The following ASCC1 variants were observed in gnomAD, a reference collection of about 807,000 sequenced individuals.
ASCC1 encodes the protein activating signal cointegrator 1 complex subunit 1.
Under a neutral mutation model 46.6 loss-of-function variants are expected in ASCC1, and 35 were observed. That is an observed-to-expected ratio of 0.75 (90% CI 0.57 to 0.99). The LOEUF is 0.99. ASCC1 is among the 50% of genes least tolerant of loss of function. The pLI is 0.00. For synonymous variants in ASCC1, 143 were observed against 146.6 expected (o/e 0.98, Z 0.18); for missense variants, 376 against 428.7 (o/e 0.88, Z 1.09).
intron 9 of ASCC1, among the ~76,000 whole-genome samples, chr10:72,116,206 G>A (rs1843476725): frequency 6.6e-6 from 1 of 152,152 alleles, no homozygotes; most frequent in South Asian, 2.1e-4. Context: ...ATAGTAAAAG[G>A]AATCCTGAAT....
intron 5 of ASCC1, among the ~76,000 whole-genome samples, chr10:72,194,847 A>T (rs1295923252): frequency 6.6e-6 from 1 of 151,956 alleles, no homozygotes; most frequent in South Asian, 2.1e-4. Context: ...GGTTCAAGCG[A>T]TTCTCCTGCC....
At chr10:72,196,708 G>T in intron 5 of ASCC1, 103 bp downstream of exon 5, 1 of 1,169,204 alleles carries the variant, frequency 8.6e-7, no homozygotes, top group Non-Finnish European at 1.2e-6. Context: ...TTTTTTGGTG[G>T]GGGAAGAAGT....
chr10:72,188,454 C>T (rs1853848242), intron 5 of ASCC1, among the ~76,000 whole-genome samples: 1 of 151,940 alleles, frequency 6.6e-6, no homozygotes, highest in South Asian at 2.1e-4. Context: ...ATATCCATCT[C>T]TCACTGTATT....
At chr10:72,210,588 T>C (rs575134172) in intron 3 of ASCC1, 144 bp downstream of exon 3, 1 of 702,358 alleles carries the variant, frequency 1.4e-6, no homozygotes, top group Admixed American at 2.1e-5. Flanking sequence ...CTGTAATCAG[T>C]CCTTTGACAT....
At chr10:72,107,981 T>C (rs191197450) in intron 9 of ASCC1, among the ~76,000 whole-genome samples, 1 of 152,280 alleles carries the variant, frequency 6.6e-6, no homozygotes, top group East Asian at 1.9e-4. Flanking sequence ...TCATTTTGAT[T>C]AAACTTCCCT....
At chr10:72,144,020 C>T (rs1297450116) in intron 7 of ASCC1, among the ~76,000 whole-genome samples, 1 of 150,912 alleles carries the variant, frequency 6.6e-6, no homozygotes, top group Non-Finnish European at 1.5e-5. Context: ...TTTTAACAGT[C>T]TCACTCTGTT....
In ASCC1 at chr10:72,189,167, G is replaced by A. The variant is rs528107661; in HGVS notation, c.489+7644C>T. ...TGTAATACCAGCCCTTTGGGAGGCC[G>A]AGGCGGGCGGATCATGAAGTCAGGA... On this transcript the variant is annotated intron_variant, in intron 5 of 9. Coordinates refer to ENST00000672957, the MANE Select transcript of ASCC1 (RefSeq NM_001198800.3). Among the ~76,000 whole-genome samples, 7 of 151,718 alleles carry A rather than the reference G, an allele frequency of 4.6e-5. No individual in the cohort carries two copies. The East Asian group carries it at 5.8e-4, about 13-fold the overall frequency.
intron 5 of ASCC1, among the ~76,000 whole-genome samples, chr10:72,196,176 G>C (rs931184850): frequency 6.6e-6 from 1 of 151,776 alleles, no homozygotes; most frequent in African/African-American, 2.4e-5. Flanking sequence ...AGCCATGACC[G>C]CCCAAAGTCA....
chr10:72,166,570 GA>G (rs376516631), intron 5 of ASCC1, among the ~76,000 whole-genome samples: 15 of 133,886 alleles, frequency 1.1e-4, no homozygotes, highest in South Asian at 7.0e-4. Context: ...ATCCATAAAA[GA>G]AAAAAAAATG....
At chr10:72,157,139 C>A (rs911350879) in intron 6 of ASCC1, among the ~76,000 whole-genome samples, 4 of 152,140 alleles carry the variant, frequency 2.6e-5, no homozygotes, top group African/African-American at 9.7e-5. Context: ...AAAATTACAG[C>A]CTTGATCATA....
At chr10:72,136,701 T>G (rs187711463) in intron 7 of ASCC1, among the ~76,000 whole-genome samples, 19 of 152,336 alleles carry the variant, frequency 1.2e-4, no homozygotes, top group African/African-American at 4.6e-4. Flanking sequence ...CAATCAATCT[T>G]GCTGCTGCTC....
At chr10:72,207,990 T>A (rs564294852) in intron 3 of ASCC1, among the ~76,000 whole-genome samples, 2 of 152,122 alleles carry the variant, frequency 1.3e-5, no homozygotes, top group Admixed American at 1.3e-4. Context: ...TTATTTTTTT[T>A]ATTTTTATTT....
At chr10:72,202,659 CAA>C (rs1286339662) in intron 4 of ASCC1, among the ~76,000 whole-genome samples, 3 of 152,188 alleles carry the variant, frequency 2.0e-5, no homozygotes, top group East Asian at 1.9e-4. Context: ...TTATTTGAGT[CAA>C]GTTATATTAT....
intron 9 of ASCC1, among the ~76,000 whole-genome samples, chr10:72,114,623 C>CAAAA (rs34531262): frequency 1.1e-5 from 1 of 94,504 alleles, no homozygotes; most frequent in African/African-American, 4.0e-5. Flanking sequence ...GACTCCGTCT[C>CAAAA]AAAAAAAAAA....
At chr10:72,115,217 T>A (rs1039625326) in intron 9 of ASCC1, among the ~76,000 whole-genome samples, 6 of 152,184 alleles carry the variant, frequency 3.9e-5, no homozygotes, top group African/African-American at 1.4e-4. Flanking sequence ...TCTTCTCTCC[T>A]TCCAAAATCT....
At chr10:72,207,273 G>T (rs1359905548) in intron 3 of ASCC1, among the ~76,000 whole-genome samples, 1 of 152,082 alleles carries the variant, frequency 6.6e-6, no homozygotes, top group Non-Finnish European at 1.5e-5. Flanking sequence ...AATTAGCCAG[G>T]TGTGGTGGCG....
chr10:72,195,213 C>T (rs962686736), intron 5 of ASCC1, among the ~76,000 whole-genome samples: 1 of 122,672 alleles, frequency 8.2e-6, no homozygotes, highest in African/African-American at 3.1e-5. Context: ...ATAATACAAT[C>T]TCAGTTCACT....
chr10:72,198,037 AGG>A, intron 4 of ASCC1, among the ~76,000 whole-genome samples: 1 of 10,336 alleles, frequency 9.7e-5, no homozygotes, highest in Admixed American at 1.2e-3. Flanking sequence ...AGGGAAGGGA[AGG>A]GGGAGCAGGG....
intron 5 of ASCC1, among the ~76,000 whole-genome samples, chr10:72,169,544 A>G (rs1434584447): frequency 6.6e-6 from 1 of 152,212 alleles, no homozygotes; most frequent in Non-Finnish European, 1.5e-5. Flanking sequence ...TTTTTACAAA[A>G]AAAACACAGG....
Sources: allele counts gnomAD v4.1 joint callset (sites outside exome capture counted in the v4.1 genomes callset), GRCh38; gene constraint gnomAD v4.1.1; transcripts MANE v1.5; gene names NCBI Gene and HGNC (gene_info 2026-07-23, HGNC 2026-07-21).